TBC1D22A: variants seen among roughly 807,000 people sequenced by gnomAD.
The protein encoded by TBC1D22A is putative GTPase activator.
A neutral mutation model predicts 60.2 loss-of-function variants in TBC1D22A; 38 were observed. The observed-to-expected ratio is 0.63, with a 90% CI of 0.49 to 0.83. TBC1D22A has a LOEUF of 0.83. Among genes scored for constraint, TBC1D22A ranks in the 40% least tolerant of loss-of-function variants. The pLI is 0.00. For missense variants in TBC1D22A, 628 were observed against 701.0 expected (o/e 0.90, Z 1.18); for synonymous variants, 302 against 281.7 (o/e 1.07, Z -0.72).
At chr22:47,005,973 CACCT>C (rs1363556584) in intron 10 of TBC1D22A, among the ~76,000 whole-genome samples, 1 of 152,000 alleles carries the variant, frequency 6.6e-6, no homozygotes, top group African/African-American at 2.4e-5. Context: ...CCTATACACA[CACCT>C]ACACACAGTC....
chr22:47,092,743 A>C (rs1328807868), intron 11 of TBC1D22A, among the ~76,000 whole-genome samples: 2 of 152,208 alleles, frequency 1.3e-5, no homozygotes, highest in African/African-American at 4.8e-5. Context: ...CAGTCTACAG[A>C]GAGAGTTGAG....
At chr22:46,916,023 C>T (rs960587772) in intron 8 of TBC1D22A, 2 of 454,770 alleles carry the variant, frequency 4.4e-6, no homozygotes, top group South Asian at 1.6e-5. Flanking sequence ...TGAGCTTTAC[C>T]CGAGGACAGA....
chr22:46,958,991 C>T (rs1872116112), intron 8 of TBC1D22A, among the ~76,000 whole-genome samples: 1 of 152,116 alleles, frequency 6.6e-6, no homozygotes, highest in South Asian at 2.1e-4. Flanking sequence ...AGCTCTCCTT[C>T]TAATTCAGTA....
At position 47,004,379 on chromosome 22, in the gene TBC1D22A, C is replaced by T. The variant is rs192686067; in HGVS notation, c.1201+6670C>T. On this transcript the variant is annotated intron_variant, in intron 10 of 12. Transcript: ENST00000337137. ...ATATACATACACTCCTATATACACA[C>T]ACCCCTGCACACAACCCTTATACAT... Among the ~76,000 whole-genome samples the T allele has an allele frequency of 3.3e-3, 501 of 151,572 alleles. 2 individuals are homozygous for T. Among genetic ancestry groups the T allele is most frequent in the South Asian group, 0.028 (136 of 4,806 alleles).
chr22:46,863,195 G>A (rs1046375449), intron 4 of TBC1D22A, among the ~76,000 whole-genome samples: 1 of 152,184 alleles, frequency 6.6e-6, no homozygotes, highest in Admixed American at 6.5e-5. Context: ...AGTCTGATGG[G>A]CACCCATGAC....
chr22:46,815,594 C>T (rs984053472), intron 4 of TBC1D22A, among the ~76,000 whole-genome samples: 1 of 152,240 alleles, frequency 6.6e-6, no homozygotes, highest in Non-Finnish European at 1.5e-5. Context: ...TGTTTGCTCA[C>T]TCATGAATTC....
rs187311236 is a variant in TBC1D22A, at chr22:46,930,747, G to A, written c.1015+18559G>A. Among the ~76,000 whole-genome samples the A allele has an allele frequency of 2.5e-4, 38 of 152,106 alleles. 1 individual carries two copies. In the Middle Eastern group the frequency reaches 0.014, roughly 54 times the overall value. ...CAAAGTGCTGGGATTACAGGTGTGA[G>A]CCACCGCGCCCAGCCTTTCCTTGAT... On this transcript the variant is annotated intron_variant, in intron 8 of 12. Transcript: ENST00000337137.
At chr22:47,066,940 G>C (rs1377313178) in intron 11 of TBC1D22A, among the ~76,000 whole-genome samples, 16 of 152,120 alleles carry the variant, frequency 1.1e-4, no homozygotes, top group Admixed American at 1.0e-3. Flanking sequence ...GCCTGTACCT[G>C]GCTTGGTTTG....
intron 8 of TBC1D22A, among the ~76,000 whole-genome samples, chr22:46,944,438 T>C (rs529762343): frequency 6.6e-6 from 1 of 152,318 alleles, no homozygotes; most frequent in Non-Finnish European, 1.5e-5. Context: ...TTGCTCCGTC[T>C]CCCAGGCTGG....
At chr22:46,993,898 G>GGCCC (rs1416328723) in intron 9 of TBC1D22A, among the ~76,000 whole-genome samples, 1 of 151,950 alleles carries the variant, frequency 6.6e-6, no homozygotes. Flanking sequence ...GAGCCAGGAG[G>GGCCC]GCCCAGACCG....
intron 11 of TBC1D22A, among the ~76,000 whole-genome samples, chr22:47,103,845 T>TC: frequency 6.6e-6 from 1 of 152,246 alleles, no homozygotes; most frequent in Non-Finnish European, 1.5e-5. Flanking sequence ...TAAATTCTCA[T>TC]CAGATGGGTT....
intron 11 of TBC1D22A, among the ~76,000 whole-genome samples, chr22:47,106,533 A>G (rs550375590): frequency 1.5e-4 from 23 of 152,216 alleles, no homozygotes; most frequent in Non-Finnish European, 3.2e-4. Flanking sequence ...CCAGCAAACT[A>G]TCTTTCAAGA....
intron 10 of TBC1D22A, among the ~76,000 whole-genome samples, chr22:47,027,247 G>C (rs978949764): frequency 6.6e-6 from 1 of 152,224 alleles, no homozygotes; most frequent in African/African-American, 2.4e-5. Flanking sequence ...GAAGGAGTTT[G>C]AATTCATATT....
At position 46,802,529 on chromosome 22, in the gene TBC1D22A, G is replaced by C. The variant is rs143612597; in HGVS notation, c.637+4909G>C. ...TGAGGCTCTGGCCTGGTGGCTGAGT[G>C]GGGTGTGGGGAGAGGCCTGCAAGGC... On this transcript the variant is annotated intron_variant, in intron 4 of 12. Coordinates refer to ENST00000337137, the MANE Select transcript of TBC1D22A (RefSeq NM_014346.5). Among the ~76,000 whole-genome samples the C allele has an allele frequency of 8.5e-5, 13 of 152,330 alleles. No homozygotes were observed. In the East Asian group the frequency reaches 2.5e-3, roughly 29 times the overall value.
chr22:46,945,629 C>G (rs1277621806), intron 8 of TBC1D22A, among the ~76,000 whole-genome samples: 2 of 152,146 alleles, frequency 1.3e-5, no homozygotes, highest in Non-Finnish European at 2.9e-5. Context: ...AGGCTGTGTC[C>G]TGGGGTCTGC....
chr22:46,865,849 C>G (rs1262583521), intron 4 of TBC1D22A, among the ~76,000 whole-genome samples: 1 of 152,178 alleles, frequency 6.6e-6, no homozygotes, highest in Non-Finnish European at 1.5e-5. Flanking sequence ...AGATACCCCT[C>G]TGAGTAACAA....
chr22:46,878,523 A>T (rs1227066666), intron 4 of TBC1D22A, 130 bp from the exon 5 acceptor site: 2 of 744,242 alleles, frequency 2.7e-6, no homozygotes, highest in Non-Finnish European at 4.8e-6. Flanking sequence ...TGAAATGTTG[A>T]TGATTTAGTT....
chr22:47,131,196 CT>C (rs1214538535), intron 12 of TBC1D22A, among the ~76,000 whole-genome samples: 1 of 152,234 alleles, frequency 6.6e-6, no homozygotes, highest in Non-Finnish European at 1.5e-5. Context: ...CCAACACCAG[CT>C]GTCACATTCC....
At chr22:47,055,929 G>GCCACTGAGGGTTGGTGAGATACA (rs2063380577) in intron 11 of TBC1D22A, among the ~76,000 whole-genome samples, 1 of 151,896 alleles carries the variant, frequency 6.6e-6, no homozygotes, top group East Asian at 1.9e-4. Context: ...GGTGAGATAC[G>GCCACTGAGGGTTGGTGAGATACA]CCATTGAGGG....
Sources: allele counts gnomAD v4.1 joint callset (sites outside exome capture counted in the v4.1 genomes callset), GRCh38; gene constraint gnomAD v4.1.1; transcripts MANE v1.5; gene names NCBI Gene and HGNC (gene_info 2026-07-23, HGNC 2026-07-21).